SLC5A3: variants seen among roughly 807,000 people sequenced by gnomAD.
The protein encoded by SLC5A3 is solute carrier family 5 member 3.
SLC5A3 carries 10 observed loss-of-function variants against 43.2 expected under a neutral mutation model. That is an observed-to-expected ratio of 0.23 (90% confidence interval 0.14 to 0.39). The LOEUF is 0.39. SLC5A3 is among the 10% of genes least tolerant of loss of function. SLC5A3 has a pLI of 1.00. For synonymous variants in SLC5A3, 349 were observed against 322.0 expected (o/e 1.08, Z -0.90); for missense variants, 608 against 893.4 (o/e 0.68, Z 4.07).
At chr21:34,078,370 C>T (rs1989383145) in intron 1 of SLC5A3, among the ~76,000 whole-genome samples, 1 of 152,028 alleles carries the variant, frequency 6.6e-6, no homozygotes, top group African/African-American at 2.4e-5. Context: ...TGTTCCTGCC[C>T]CTGAGCTACA....
chr21:34,096,224 C>T lies in SLC5A3; in HGVS notation c.1026C>T (p.Ser342=), dbSNP rs758044325. ...AGCACTGCATGCTGGTGTGTGGAAG[C>T]AGAGCTGGTTGCTCCAATATTGCTT... ...NPEHCMLVCG[S]RAGCSNIAYP... Residue 342 remains serine, a synonymous_variant, in exon 2 of 2, where the codon AGC becomes AGT. Coordinates refer to ENST00000381151, the MANE Select transcript of SLC5A3 (RefSeq NM_006933.7). This position sits in a 1 kb window ranked among gnomAD's most constrained non-coding sequence, Gnocchi z 5.9. The T allele has an allele frequency of 1.2e-6, 2 of 1,614,046 alleles. No homozygotes were observed. The highest frequency in any genetic ancestry group is 1.7e-6 in the Non-Finnish European group (2 of 1,180,022).
intron 1 of SLC5A3, among the ~76,000 whole-genome samples, chr21:34,078,768 G>GCATTTGAT (rs1989391865): frequency 6.6e-6 from 1 of 152,202 alleles, no homozygotes; most frequent in Non-Finnish European, 1.5e-5. Flanking sequence ...GAAGGGTAGA[G>GCATTTGAT]AACAAATGAT....
At chr21:34,082,730 T>C (rs1783287) in intron 1 of SLC5A3, among the ~76,000 whole-genome samples, 152,278 of 152,282 alleles carry the variant, frequency 1, 76,137 homozygotes, top group Middle Eastern at 1. Flanking sequence ...ACTAACCTTC[T>C]TTTTTTGTCT....
rs571454266 is a variant in SLC5A3 at position 34,079,776 on chromosome 21, G to A, written c.-337+6031G>A. ...CCATTAACCTTCATGTGGATGATTT[G>A]CCACCTTTTTTAACAAGCTGACAAC... On this transcript the variant is annotated intron_variant, in intron 1 of 1. Coordinates refer to ENST00000381151, the MANE Select transcript of SLC5A3 (RefSeq NM_006933.7). 5.3e-5 allele frequency among the ~76,000 whole-genome samples: 8 copies of A among 151,782 alleles called. No homozygotes were observed. The East Asian group carries it at 7.7e-4, about 15-fold the overall frequency.
At position 34,098,223 on chromosome 21, in the gene SLC5A3, A is replaced by ATT; in HGVS notation, c.*869_*870dup. 1.0e-6 allele frequency: 1 copy of ATT among 998,988 alleles called. No individual in the cohort carries two copies. The highest frequency in any genetic ancestry group is 1.2e-6 in the Non-Finnish European group (1 of 828,960). 61.9% of individuals were successfully genotyped at this position (998,988 alleles called of 1,614,324 possible). A position where few individuals can be genotyped will look rare whatever the true frequency, so the allele number is the denominator to read the frequency against. ...TTGATTAACTTATGCTAATCAGATG[A>ATT]TTACTCATATATTCTGCTAATTTTC... On this transcript the variant is annotated 3_prime_UTR_variant, in exon 2 of 2. Transcript: ENST00000381151.
intron 1 of SLC5A3, among the ~76,000 whole-genome samples, chr21:34,087,776 A>G (rs550436041): frequency 2.0e-5 from 3 of 152,244 alleles, no homozygotes; most frequent in Admixed American, 6.5e-5. Context: ...GGGCAGAAGC[A>G]TGGAGACAAG....
intron 1 of SLC5A3, among the ~76,000 whole-genome samples, chr21:34,086,494 T>C (rs1445598682): frequency 6.9e-6 from 1 of 145,692 alleles, no homozygotes; most frequent in Non-Finnish European, 1.5e-5. Flanking sequence ...TTTATCTGAC[T>C]TGTGTTTATT....
rs778022557 is a variant in SLC5A3, at chr21:34,095,335, T to C, written c.137T>C (p.Met46Thr). The change falls in exon 2 of 2, where the codon ATG becomes ACG. Residue 46 changes from methionine (M) to threonine (T), a missense_variant. Coordinates refer to ENST00000381151, the MANE Select transcript of SLC5A3 (RefSeq NM_006933.7). ...VSGYFLAGRS[M>T]TWVAIGASLF... ...GGATACTTCCTGGCGGGGCGCTCTA[T>C]GACCTGGGTAGCAATTGGTGCCTCT... 1 of 1,614,180 alleles carries C rather than the reference T, an allele frequency of 6.2e-7. No homozygotes were observed. Among genetic ancestry groups the C allele is most frequent in the Admixed American group, 1.7e-5 (1 of 60,030 alleles).
At position 34,095,659 on chromosome 21, in the gene SLC5A3, TG is replaced by T; in HGVS notation, c.464del (p.Gly155ValfsTer14). On this transcript the variant is annotated frameshift_variant, in exon 2 of 2. Coordinates refer to ENST00000381151, the MANE Select transcript of SLC5A3 (RefSeq NM_006933.7). LOFTEE classifies it high-confidence loss of function. ...YSGALFIQES[L>X]GWNLYVSVIL... ...GGTGCCCTTTTTATCCAGGAGTCTT[TG>T]GGTTGGAATCTTTATGTGTCTGTCA... The T allele has an allele frequency of 6.2e-7, 1 of 1,613,718 alleles. No homozygotes were observed. The highest frequency in any genetic ancestry group is 8.5e-7 in the Non-Finnish European group (1 of 1,179,890).
At position 34,095,912 on chromosome 21, in the gene SLC5A3, T is replaced by G. The variant is rs369987127; in HGVS notation, c.714T>G (p.Ser238=). The G allele has an allele frequency of 2.8e-5, 45 of 1,614,046 alleles. No individual in the cohort carries two copies. Among genetic ancestry groups the G allele is most frequent in the Non-Finnish European group, 3.7e-5 (44 of 1,180,006 alleles). Residue 238 remains serine, a synonymous_variant, in exon 2 of 2, where the codon TCT becomes TCG. Coordinates refer to ENST00000381151, the MANE Select transcript of SLC5A3 (RefSeq NM_006933.7). ...CATACAACCTTTCCAACACAAATTC[T>G]TGTAATGTCTCCCCTAAGAAAGAAG... ...LLTYNLSNTN[S]CNVSPKKEAL...
chr21:34,076,630 A>C (rs1454049736), intron 1 of SLC5A3, among the ~76,000 whole-genome samples: 2 of 152,246 alleles, frequency 1.3e-5, no homozygotes, highest in Non-Finnish European at 2.9e-5. Flanking sequence ...TGATTTTTAA[A>C]AAAGTGTGTA....
chr21:34,098,836 T>C lies in SLC5A3; in HGVS notation c.*1481T>C. 5.0e-6 allele frequency: 5 copies of C among 1,000,010 alleles called. No homozygotes were observed. Among genetic ancestry groups the C allele is most frequent in the Non-Finnish European group, 6.0e-6 (5 of 829,712 alleles). The allele number at this position is 1,000,010 out of a possible 1,614,324, so 61.9% of individuals were successfully genotyped here. On this transcript the variant is annotated 3_prime_UTR_variant, in exon 2 of 2. Transcript: ENST00000381151. ...TGTCTTCGTATGCTCAACACTGTCC[T>C]TTGTCCTCCATGAAAGATGAAGGAA...
chr21:34,097,883 T>A lies in SLC5A3; in HGVS notation c.*528T>A. ...ACAAGTTCATTTGCCAGGTTCATTT[T>A]GTTAGCATGAGCCTACGGATTCTGA... On this transcript the variant is annotated 3_prime_UTR_variant, in exon 2 of 2. Coordinates refer to ENST00000381151, the MANE Select transcript of SLC5A3 (RefSeq NM_006933.7). 3.0e-6 allele frequency: 3 copies of A among 997,854 alleles called. No individual in the cohort carries two copies. The highest frequency in any genetic ancestry group is 3.6e-6 in the Non-Finnish European group (3 of 827,742). The allele number at this position is 997,854 out of a possible 1,614,324, so 61.8% of individuals were successfully genotyped here.
chr21:34,076,637 T>A (rs1479833613), intron 1 of SLC5A3, among the ~76,000 whole-genome samples: 6 of 152,222 alleles, frequency 3.9e-5, no homozygotes, highest in African/African-American at 1.4e-4. Flanking sequence ...TAAAAAAGTG[T>A]GTATATAAAA....
chr21:34,087,475 C>G (rs747550138), intron 1 of SLC5A3, among the ~76,000 whole-genome samples: 20 of 152,176 alleles, frequency 1.3e-4, no homozygotes, highest in Non-Finnish European at 2.4e-4. Context: ...GAAAATTCTA[C>G]CCTCATGGAG....
Position 34,102,771 on chromosome 21 carries a change from C to G in SLC5A3, c.*5416C>G. ...GTGGGAACAGTGGTTTTGCTCTATA[C>G]CACTGAAAAGCACTATAACATAATT... On this transcript the variant is annotated 3_prime_UTR_variant, in exon 2 of 2. Transcript: ENST00000381151. The G allele has an allele frequency of 1.0e-6, 1 of 1,000,044 alleles. No individual in the cohort carries two copies. The highest frequency in any genetic ancestry group is 1.2e-6 in the Non-Finnish European group (1 of 829,838). 61.9% of individuals were successfully genotyped at this position (1,000,044 alleles called of 1,614,324 possible).
rs1979361746 is a variant in SLC5A3 at position 34,103,971 on chromosome 21, G to A, written c.*6616G>A. 3 of 999,904 alleles carry A rather than the reference G, an allele frequency of 3.0e-6. No individual in the cohort carries two copies. Among genetic ancestry groups the A allele is most frequent in the Non-Finnish European group, 1.2e-6 (1 of 829,902 alleles). The allele number at this position is 999,904 out of a possible 1,614,324, so 61.9% of individuals were successfully genotyped here. Reference sequence around the variant, plus strand: ...TCTGTTTTAAGCTGTAGTGTGATTGGGGTTTTTTGTAAAAAATCTTAAATC... The same window carrying A: ...TCTGTTTTAAGCTGTAGTGTGATTGAGGTTTTTTGTAAAAAATCTTAAATC... On this transcript the variant is annotated 3_prime_UTR_variant, in exon 2 of 2. Coordinates refer to ENST00000381151, the MANE Select transcript of SLC5A3 (RefSeq NM_006933.7).
At chr21:34,081,327 T>C (rs182766118) in intron 1 of SLC5A3, among the ~76,000 whole-genome samples, 37 of 152,270 alleles carry the variant, frequency 2.4e-4, no homozygotes, top group African/African-American at 8.7e-4. Context: ...GACCCCTATA[T>C]TGAGGTTGGC....
At chr21:34,083,531 T>C (rs1242090239) in intron 1 of SLC5A3, among the ~76,000 whole-genome samples, 1 of 152,226 alleles carries the variant, frequency 6.6e-6, no homozygotes, top group Non-Finnish European at 1.5e-5. Flanking sequence ...GGTTTTGTTT[T>C]TTAACTGCTT....
Sources: gnomAD v4.1 joint callset for allele counts (sites outside exome capture counted in the v4.1 genomes callset) on GRCh38, gnomAD v4.1.1 for gene constraint, Gnocchi (gnomAD v3.1) non-coding constraint, MANE v1.5 for transcripts, NCBI Gene and HGNC (gene_info 2026-07-23, HGNC 2026-07-21) for gene names.